UBE2R2: variants seen among roughly 807,000 people sequenced by gnomAD.
UBE2R2 encodes the protein ubiquitin conjugating enzyme E2 R2, also known as ubiquitin-conjugating enzyme E2 R2.
Under a neutral mutation model 27.8 loss-of-function variants are expected in UBE2R2, and 1 was observed. The ratio of observed to expected loss-of-function variants is 0.04; its 90% CI spans 0.01 to 0.17. UBE2R2 has a LOEUF of 0.17. Ranked by LOEUF, UBE2R2 falls within the 10% of genes least tolerant of loss-of-function variation. The pLI, the probability that UBE2R2 is intolerant of heterozygous loss-of-function variation, is 1.00. For missense variants in UBE2R2, 100 were observed against 291.0 expected (o/e 0.34, Z 4.78); for synonymous variants, 106 against 113.3 (o/e 0.94, Z 0.41).
At chr9:33,867,955 A>T (rs548069098) in intron 1 of UBE2R2, among the ~76,000 whole-genome samples, 1 of 152,302 alleles carries the variant, frequency 6.6e-6, no homozygotes, top group South Asian at 2.1e-4. Flanking sequence ...GTCAGTCAGG[A>T]TGGTGGCCCC....
In UBE2R2 at chr9:33,817,179, C is replaced by G. The variant is rs967879220; in HGVS notation, c.-579C>G. ...CTCCCTGCTTCTCGGCTCCGTTGCT[C>G]CCGCGGCGCGAGGCGCTCTCGCTCT... On this transcript the variant is annotated 5_prime_UTR_variant, in exon 1 of 5. Transcript: ENST00000263228. 1.3e-4 allele frequency among the ~76,000 whole-genome samples: 18 copies of G among 142,882 alleles called. No individual in the cohort carries two copies. The highest frequency in any genetic ancestry group is 1.1e-3 in the Admixed American group (16 of 14,478). The allele number at this position is 142,882 out of a possible 152,430, so 93.7% of individuals were successfully genotyped here. A position where few individuals can be genotyped will look rare whatever the true frequency, so the allele number is the denominator to read the frequency against.
At position 33,830,533 on chromosome 9, in the gene UBE2R2, G is replaced by A. The variant is rs375942806; in HGVS notation, c.177+12599G>A. 1.3e-4 allele frequency among the ~76,000 whole-genome samples: 20 copies of A among 150,910 alleles called. 1 individual carries two copies. The East Asian group carries it at 2.0e-3, about 15-fold the overall frequency. ...TGTAATCCCAGCACTTTGGGAGGTC[G>A]AGGTGGGCAGATCACCTGAGGTCAG... On this transcript the variant is annotated intron_variant, in intron 1 of 4. Coordinates refer to ENST00000263228, the MANE Select transcript of UBE2R2 (RefSeq NM_017811.4).
intron 3 of UBE2R2, among the ~76,000 whole-genome samples, chr9:33,902,582 G>T (rs1822267360): frequency 6.6e-6 from 1 of 152,168 alleles, no homozygotes; most frequent in South Asian, 2.1e-4. Context: ...GCTACAGGGA[G>T]ACATAATTGC....
chr9:33,819,570 T>C lies in UBE2R2; in HGVS notation c.177+1636T>C, dbSNP rs564068625. On this transcript the variant is annotated intron_variant, in intron 1 of 4. Coordinates refer to ENST00000263228, the MANE Select transcript of UBE2R2 (RefSeq NM_017811.4). The stretch of plus-strand genomic sequence containing the variant: ...GCTGTGTTTATGATGAAGCATATTC[T>C]CTGTTGTCAAATATAAATTTTTATG... Among the ~76,000 whole-genome samples, 8 of 152,336 alleles carry C rather than the reference T, an allele frequency of 5.3e-5. No individual in the cohort carries two copies. In the South Asian group the frequency reaches 1.2e-3, roughly 24 times the overall value.
At chr9:33,847,747 ATTTT>A (rs367991925) in intron 1 of UBE2R2, among the ~76,000 whole-genome samples, 1 of 105,038 alleles carries the variant, frequency 9.5e-6, no homozygotes, top group Admixed American at 1.0e-4. Flanking sequence ...TTGACCTGAA[ATTTT>A]TTTTTTTTTT....
intron 3 of UBE2R2, among the ~76,000 whole-genome samples, 156 bp from the exon 4 acceptor site, chr9:33,911,806 TTA>T (rs1427537398): frequency 6.6e-6 from 1 of 152,220 alleles, no homozygotes; most frequent in Non-Finnish European, 1.5e-5. Flanking sequence ...AATAAAAAAT[TTA>T]TATCTCTATT....
At chr9:33,887,924 C>T (rs188903195) in intron 2 of UBE2R2, among the ~76,000 whole-genome samples, 1 of 152,316 alleles carries the variant, frequency 6.6e-6, no homozygotes, top group African/African-American at 2.4e-5. Context: ...ATCCACCCAC[C>T]TCGGCCTCCC....
chr9:33,852,058 T>TTAAAGG (rs1820980133), intron 1 of UBE2R2, among the ~76,000 whole-genome samples: 1 of 151,866 alleles, frequency 6.6e-6, no homozygotes, highest in African/African-American at 2.4e-5. Flanking sequence ...AGGCCTGTAA[T>TTAAAGG]CCCAGCACTT....
intron 3 of UBE2R2, among the ~76,000 whole-genome samples, chr9:33,911,026 C>T (rs1008825310): frequency 1.3e-5 from 2 of 151,830 alleles, no homozygotes; most frequent in African/African-American, 4.8e-5. Flanking sequence ...ATTACTTGAA[C>T]CCAGGAGGCA....
intron 1 of UBE2R2, among the ~76,000 whole-genome samples, chr9:33,836,741 A>C (rs778763809): frequency 6.8e-5 from 10 of 148,142 alleles, no homozygotes; most frequent in Non-Finnish European, 1.5e-4. Context: ...TGGGCAACAG[A>C]GCAAGACTCT....
rs1011699717 is a variant in UBE2R2 at position 33,832,175 on chromosome 9, G to T, written c.177+14241G>T. On this transcript the variant is annotated intron_variant, in intron 1 of 4. Transcript: ENST00000263228. ...AATACAAAATTAGGCAGGCGTGGTG[G>T]TGCGTGCCTGTAATCCCAGCTACTT... 1.2e-4 allele frequency among the ~76,000 whole-genome samples: 18 copies of T among 151,658 alleles called. No individual in the cohort carries two copies. In the East Asian group the frequency reaches 1.8e-3, roughly 15 times the overall value.
At chr9:33,854,714 G>A (rs1340962318) in intron 1 of UBE2R2, among the ~76,000 whole-genome samples, 1 of 148,970 alleles carries the variant, frequency 6.7e-6, no homozygotes, top group Non-Finnish European at 1.5e-5. Context: ...ATCTGCAAGT[G>A]CAATTTTTTT....
intron 1 of UBE2R2, among the ~76,000 whole-genome samples, chr9:33,865,015 C>T (rs974990936): frequency 3.3e-5 from 5 of 151,854 alleles, no homozygotes; most frequent in Non-Finnish European, 7.4e-5. Flanking sequence ...TGAGCCACCA[C>T]GCCCAGCCAA....
rs570103769 is a variant in UBE2R2, at chr9:33,920,013, C to T, written c.*2776C>T. ...CAAACTTTTTTGTAGAACCTTCTTT[C>T]CCTTACCCTGGCAAATTGCTTCTTT... On this transcript the variant is annotated 3_prime_UTR_variant, in exon 5 of 5. Coordinates refer to ENST00000263228, the MANE Select transcript of UBE2R2 (RefSeq NM_017811.4). 1 of 152,402 alleles carries T rather than the reference C, an allele frequency of 6.6e-6. No individual in the cohort carries two copies. The highest frequency in any genetic ancestry group is 2.1e-4 in the South Asian group (1 of 4,824). The allele number at this position is 152,402 out of a possible 1,614,324, so 9.4% of individuals were successfully genotyped here.
intron 1 of UBE2R2, among the ~76,000 whole-genome samples, chr9:33,837,703 A>G (rs1820645626): frequency 6.6e-6 from 1 of 151,840 alleles, no homozygotes; most frequent in Admixed American, 6.6e-5. Flanking sequence ...AGGATTACAG[A>G]GCCACCACAC....
At chr9:33,908,010 G>A (rs191917000) in intron 3 of UBE2R2, among the ~76,000 whole-genome samples, 3 of 152,098 alleles carry the variant, frequency 2.0e-5, no homozygotes, top group Admixed American at 6.6e-5. Flanking sequence ...TAGTAGAGAC[G>A]GGGTTTCACC....
At chr9:33,900,409 C>A (rs1822218285) in intron 3 of UBE2R2, 138 bp downstream of exon 3, 1 of 564,818 alleles carries the variant, frequency 1.8e-6, no homozygotes, top group Non-Finnish European at 3.1e-6. Flanking sequence ...TTAGCTAGAG[C>A]TTTAAGAAAT....
intron 1 of UBE2R2, among the ~76,000 whole-genome samples, chr9:33,879,231 TAATC>T (rs1246441487): frequency 2.0e-5 from 3 of 152,078 alleles, no homozygotes; most frequent in African/African-American, 2.4e-5. Flanking sequence ...AACCCTGTCT[TAATC>T]AGTCAATCAA....
intron 4 of UBE2R2, among the ~76,000 whole-genome samples, chr9:33,912,826 T>C (rs371431194): frequency 5.9e-5 from 9 of 152,264 alleles, no homozygotes; most frequent in African/African-American, 2.2e-4. Context: ...CTTTCTCCTC[T>C]GTATAAAATG....
Sources: gnomAD v4.1 joint callset for allele counts (sites outside exome capture counted in the v4.1 genomes callset) on GRCh38, gnomAD v4.1.1 for gene constraint, MANE v1.5 for transcripts, NCBI Gene and HGNC (gene_info 2026-07-23, HGNC 2026-07-21) for gene names.